Variants in KCND2 observed in about 807,000 individuals in gnomAD.
KCND2 encodes the protein A-type voltage-gated potassium channel KCND2.
In KCND2, 16 loss-of-function variants were observed where a neutral mutation model predicts 54.4. The ratio of observed to expected loss-of-function variants is 0.29; its 90% CI spans 0.20 to 0.45. KCND2 has a LOEUF of 0.45. Ranked by LOEUF, KCND2 falls within the 20% of genes least tolerant of loss-of-function variation. The pLI is 1.00. For missense variants in KCND2, 486 were observed against 824.2 expected (o/e 0.59, Z 5.02); for synonymous variants, 317 against 310.7 (o/e 1.02, Z -0.21).
intron 1 of KCND2, among the ~76,000 whole-genome samples, chr7:120,617,260 G>A (rs1401234677): frequency 6.6e-6 from 1 of 152,084 alleles, no homozygotes; most frequent in Admixed American, 6.6e-5. Context: ...ACAGCATGAT[G>A]TCTTAGAGTG....
At chr7:120,651,721 G>A (rs1056181014) in intron 1 of KCND2, among the ~76,000 whole-genome samples, 2 of 152,180 alleles carry the variant, frequency 1.3e-5, no homozygotes, top group Non-Finnish European at 2.9e-5. Flanking sequence ...GCTGGGGGCT[G>A]TAGACTGGAG....
chr7:120,383,904 C>T (rs1482433035), intron 1 of KCND2, among the ~76,000 whole-genome samples: 1 of 152,058 alleles, frequency 6.6e-6, no homozygotes, highest in Non-Finnish European at 1.5e-5. Flanking sequence ...GAGACAAGAC[C>T]TATCTGAGTT....
chr7:120,705,198 G>C (rs1274196951), intron 1 of KCND2, among the ~76,000 whole-genome samples: 5 of 152,130 alleles, frequency 3.3e-5, no homozygotes, highest in African/African-American at 9.7e-5. Flanking sequence ...ACTCTGCTGT[G>C]ACACTTATTC....
chr7:120,575,937 C>A (rs1006153103), intron 1 of KCND2, among the ~76,000 whole-genome samples: 1 of 4,218 alleles, frequency 2.4e-4, no homozygotes, highest in Non-Finnish European at 2.5e-3. Flanking sequence ...AGGATGTACA[C>A]TTTATTTTTT....
chr7:120,434,318 T>A (rs1801835683), intron 1 of KCND2, among the ~76,000 whole-genome samples: 1 of 152,224 alleles, frequency 6.6e-6, no homozygotes, highest in Non-Finnish European at 1.5e-5. Context: ...TTGACTTTTT[T>A]GTCCCCTTTG....
At chr7:120,590,662 T>C (rs1009100433) in intron 1 of KCND2, among the ~76,000 whole-genome samples, 2 of 152,168 alleles carry the variant, frequency 1.3e-5, no homozygotes, top group African/African-American at 4.8e-5. Flanking sequence ...GAATATGCAG[T>C]CCCAAAGCCA....
At chr7:120,280,948 T>C (rs973723269) in intron 1 of KCND2, among the ~76,000 whole-genome samples, 1 of 152,110 alleles carries the variant, frequency 6.6e-6, no homozygotes, top group Non-Finnish European at 1.5e-5. Context: ...ATATCACTGC[T>C]GGCTCTGCAT....
In KCND2 at chr7:120,738,912, A is replaced by C. The variant is rs544361075; in HGVS notation, c.1279-2622A>C. On this transcript the variant is annotated intron_variant, in intron 2 of 5. Coordinates refer to ENST00000331113, the MANE Select transcript of KCND2 (RefSeq NM_012281.3). ...TTTGTTGTGGTGCTCCGCAAGACCA[A>C]TTAAACCAATTAACTCCTATGGAAT... Among the ~76,000 whole-genome samples the C allele has an allele frequency of 1.1e-3, 162 of 152,202 alleles. 3 individuals carry two copies. The South Asian group carries it at 0.019, about 18-fold the overall frequency.
At chr7:120,738,499 A>C (rs941763632) in intron 2 of KCND2, among the ~76,000 whole-genome samples, 3 of 152,052 alleles carry the variant, frequency 2.0e-5, no homozygotes, top group African/African-American at 7.2e-5. Flanking sequence ...AAGGCAAATA[A>C]ATTATTTGAA....
At chr7:120,487,244 AAAAG>A (rs1802708021) in intron 1 of KCND2, among the ~76,000 whole-genome samples, 1 of 152,186 alleles carries the variant, frequency 6.6e-6, no homozygotes, top group Non-Finnish European at 1.5e-5. Context: ...TTTTTTTAAA[AAAAG>A]AGGGATACCC....
intron 1 of KCND2, among the ~76,000 whole-genome samples, chr7:120,511,602 A>G (rs2116332318): frequency 6.6e-6 from 1 of 152,246 alleles, no homozygotes; most frequent in East Asian, 1.9e-4. Flanking sequence ...AATACAGTAA[A>G]TTGTTACTTT....
At chr7:120,444,393 A>C (rs916583339) in intron 1 of KCND2, among the ~76,000 whole-genome samples, 1 of 152,134 alleles carries the variant, frequency 6.6e-6, no homozygotes, top group African/African-American at 2.4e-5. Context: ...TAATTTTCAT[A>C]AAGTCAGTAT....
chr7:120,654,189 T>C (rs116231382), intron 1 of KCND2, among the ~76,000 whole-genome samples: 89 of 152,280 alleles, frequency 5.8e-4, no homozygotes, highest in African/African-American at 2.0e-3. Context: ...GGTTGTTTCT[T>C]CCTAGAATGA....
intron 1 of KCND2, among the ~76,000 whole-genome samples, chr7:120,523,262 T>C (rs1791722312): frequency 6.6e-6 from 1 of 152,058 alleles, no homozygotes; most frequent in African/African-American, 2.4e-5. Context: ...GTGCTAGTTT[T>C]CCCTCCACAA....
chr7:120,351,780 T>TCTTTTCTTTTTCTTTTTTTC (rs1800410614), intron 1 of KCND2, among the ~76,000 whole-genome samples: 5 of 151,944 alleles, frequency 3.3e-5, no homozygotes, highest in Non-Finnish European at 7.4e-5. Flanking sequence ...TATTTTCTTT[T>TCTTTTCTTTTTCTTTTTTTC]CTTTTCTTTT....
chr7:120,546,134 A>G (rs1326269308), intron 1 of KCND2, among the ~76,000 whole-genome samples: 1 of 151,946 alleles, frequency 6.6e-6, no homozygotes, highest in African/African-American at 2.4e-5. Context: ...TCAAATGGTT[A>G]TCACCTGGTT....
chr7:120,654,161 T>C (rs1791772849), intron 1 of KCND2, among the ~76,000 whole-genome samples: 1 of 152,200 alleles, frequency 6.6e-6, no homozygotes, highest in South Asian at 2.1e-4. Context: ...CAGCCAGTTT[T>C]AATAGCAAGT....
intron 1 of KCND2, among the ~76,000 whole-genome samples, chr7:120,524,809 T>TAGC (rs1791753006): frequency 6.6e-6 from 1 of 152,220 alleles, no homozygotes; most frequent in African/African-American, 2.4e-5. Flanking sequence ...TTGTTTGGGT[T>TAGC]AGCTAACTTA....
At chr7:120,671,215 C>T (rs765562146) in intron 1 of KCND2, among the ~76,000 whole-genome samples, 23 of 152,012 alleles carry the variant, frequency 1.5e-4, no homozygotes, top group Admixed American at 6.6e-4. Flanking sequence ...GGTCCGGTTT[C>T]GTGGAAGACA....
Sources: gnomAD v4.1 joint callset for allele counts (sites outside exome capture counted in the v4.1 genomes callset) on GRCh38, gnomAD v4.1.1 for gene constraint, MANE v1.5 for transcripts, NCBI Gene and HGNC (gene_info 2026-07-23, HGNC 2026-07-21) for gene names.